The following ZNF385B variants were observed in gnomAD, a reference collection of about 807,000 sequenced individuals.
ZNF385B encodes zinc finger protein 385B.
ZNF385B carries 23 observed loss-of-function variants against 39.2 expected under a neutral mutation model. The ratio of observed to expected loss-of-function variants is 0.59; its 90% CI spans 0.42 to 0.83. ZNF385B has a LOEUF of 0.83. Ranked by LOEUF, ZNF385B falls within the 40% of genes least tolerant of loss-of-function variation. The probability of loss-of-function intolerance (pLI) is 0.00; values close to 1 mark genes in which losing one functional copy is unlikely to be tolerated. For synonymous variants in ZNF385B, 205 were observed against 222.6 expected, an observed-to-expected ratio of 0.92 and a Z score of 0.70; for missense variants, 552 against 598.9, an observed-to-expected ratio of 0.92 and a Z score of 0.82.
At chr2:179,809,274 C>T (rs1349784474) in intron 1 of ZNF385B, among the ~76,000 whole-genome samples, 3 of 152,130 alleles carry the variant, frequency 2.0e-5, no homozygotes, top group African/African-American at 4.8e-5. Context: ...ATGTAAAGAA[C>T]TTTGTCTCAT....
At chr2:179,760,068 A>C (rs1350772188) in intron 3 of ZNF385B, among the ~76,000 whole-genome samples, 1 of 119,488 alleles carries the variant, frequency 8.4e-6, no homozygotes, top group African/African-American at 3.1e-5. Context: ...TTTTTTTTTG[A>C]GACGGAGTCT....
rs910391181 is a variant in ZNF385B at position 179,840,150 on chromosome 2, A to G, written c.-155+20951T>C. ...AGGTCACATTACAGATATATTTATA[A>G]TGCATATGGAATCAAGGCATTCACA... On this transcript the variant is annotated intron_variant, in intron 1 of 9. Transcript: ENST00000410066. 4.6e-5 allele frequency among the ~76,000 whole-genome samples: 7 copies of G among 152,192 alleles called. No individual in the cohort carries two copies. The East Asian group carries it at 1.3e-3, about 29-fold the overall frequency.
chr2:179,769,403 A>G, intron 3 of ZNF385B, 100 bp downstream of exon 3: 1 of 1,516,504 alleles, frequency 6.6e-7, no homozygotes, highest in South Asian at 1.3e-5. Flanking sequence ...ATGGTAGCCC[A>G]GTTTTAAGGT....
At chr2:179,603,179 T>C (rs1688540151) in intron 3 of ZNF385B, among the ~76,000 whole-genome samples, 1 of 152,108 alleles carries the variant, frequency 6.6e-6, no homozygotes, top group African/African-American at 2.4e-5. Context: ...TGGCTCTGCG[T>C]TTTTTGATCT....
chr2:179,511,372 G>C (rs1407220487), intron 5 of ZNF385B, among the ~76,000 whole-genome samples: 1 of 152,150 alleles, frequency 6.6e-6, no homozygotes, highest in Non-Finnish European at 1.5e-5. Flanking sequence ...ACAAATATGA[G>C]TTGGTATTGT....
intron 5 of ZNF385B, among the ~76,000 whole-genome samples, chr2:179,493,519 ATG>A (rs1313755580): frequency 4.0e-5 from 6 of 150,430 alleles, no homozygotes; most frequent in East Asian, 1.9e-4. Context: ...GCGTATACAT[ATG>A]TGTGTACATA....
rs142520017 is a variant in ZNF385B at position 179,587,911 on chromosome 2, G to T, written c.299-42942C>A. On this transcript the variant is annotated intron_variant, in intron 3 of 9. Coordinates refer to ENST00000410066, the MANE Select transcript of ZNF385B (RefSeq NM_152520.6). ...TTAATCTGTGAAATAAAACAAACTT[G>T]CCCCATGCTTAGGGTCTCTCAAAAG... 7.0e-3 allele frequency among the ~76,000 whole-genome samples: 1,060 copies of T among 152,204 alleles called. 13 individuals carry two copies. Among genetic ancestry groups the T allele is most frequent in the African/African-American group, 0.022 (896 of 41,534 alleles).
Position 179,544,927 on chromosome 2 carries a change from G to A in ZNF385B, c.341C>T (p.Thr114Ile), listed in dbSNP as rs1412723701. ...HTTTLPALVR[T>I]PTLMMQPSLD... ...TGAAGGCTGCATCATCAGGGTAGGT[G>A]TGCGCACAAGAGCAGGAAGGGTAGT... The change falls in exon 4 of 10, where the codon ACA becomes ATA. Residue 114 changes from threonine to isoleucine, a missense_variant. By Grantham distance (89) the Thr-to-Ile change is moderately conservative (BLOSUM62 -1). Transcript: ENST00000410066. 6.2e-7 allele frequency: 1 copy of A among 1,614,104 alleles called. No homozygotes were observed. Among genetic ancestry groups the A allele is most frequent in the Admixed American group, 1.7e-5 (1 of 60,006 alleles).
At chr2:179,754,148 G>C (rs1158920275) in intron 3 of ZNF385B, among the ~76,000 whole-genome samples, 1 of 152,214 alleles carries the variant, frequency 6.6e-6, no homozygotes, top group Non-Finnish European at 1.5e-5. Flanking sequence ...ATGAAGGGCT[G>C]TCGAATTTTG....
chr2:179,655,978 T>C (rs955780500), intron 3 of ZNF385B, among the ~76,000 whole-genome samples: 1 of 152,178 alleles, frequency 6.6e-6, no homozygotes, highest in African/African-American at 2.4e-5. Context: ...ATTATATTAG[T>C]CTAGATATGT....
In ZNF385B at chr2:179,442,069, TAA is replaced by T. The variant is rs1286892329; in HGVS notation, c.*1179_*1180del. 1 of 152,672 alleles carries T rather than the reference TAA, an allele frequency of 6.5e-6. No homozygotes were observed. Among genetic ancestry groups the T allele is most frequent in the Non-Finnish European group, 1.5e-5 (1 of 68,030 alleles). The allele number at this position is 152,672 out of a possible 1,614,324, so 9.5% of individuals were successfully genotyped here. A position where few individuals can be genotyped will look rare whatever the true frequency, so the allele number is the denominator to read the frequency against. On this transcript the variant is annotated 3_prime_UTR_variant, in exon 10 of 10. Transcript: ENST00000410066. ...TTACAGGTTGCAGATATAGATGCTCTAAAAGAGTCCACTCTATTTTGTTGTTC... is the reference window on the plus strand; with the variant it reads ...TTACAGGTTGCAGATATAGATGCTCTAAGAGTCCACTCTATTTTGTTGTTC...
At chr2:179,570,573 A>G (rs768994364) in intron 3 of ZNF385B, among the ~76,000 whole-genome samples, 1 of 152,206 alleles carries the variant, frequency 6.6e-6, no homozygotes, top group Non-Finnish European at 1.5e-5. Context: ...TGCTTAACAC[A>G]GTGTCTGGCA....
At chr2:179,790,304 G>GAATT (rs1370171896) in intron 1 of ZNF385B, among the ~76,000 whole-genome samples, 1 of 152,102 alleles carries the variant, frequency 6.6e-6, no homozygotes, top group Non-Finnish European at 1.5e-5. Context: ...GCTCACCCCT[G>GAATT]AATTAATTCA....
At chr2:179,520,207 A>G (rs1211442054) in intron 4 of ZNF385B, among the ~76,000 whole-genome samples, 1 of 152,010 alleles carries the variant, frequency 6.6e-6, no homozygotes, top group Non-Finnish European at 1.5e-5. Flanking sequence ...TTTTCTGGAG[A>G]GATAGCCTAA....
intron 3 of ZNF385B, among the ~76,000 whole-genome samples, chr2:179,568,653 C>T (rs1214778757): frequency 1.9e-4 from 29 of 152,210 alleles, no homozygotes; most frequent in Admixed American, 1.8e-3. Context: ...GGCTGACATA[C>T]ATTTGGCAAA....
rs151303045 is a variant in ZNF385B, at chr2:179,839,804, T to A, written c.-155+21297A>T. Among the ~76,000 whole-genome samples the A allele has an allele frequency of 2.2e-3, 335 of 152,188 alleles. 2 individuals are homozygous for A. Among genetic ancestry groups the A allele is most frequent in the African/African-American group, 7.2e-3 (298 of 41,516 alleles). On this transcript the variant is annotated intron_variant, in intron 1 of 9. Coordinates refer to ENST00000410066, the MANE Select transcript of ZNF385B (RefSeq NM_152520.6). ...AGAGGAGATGGTAGTTACTCAAACC[T>A]GGAGAAGAGAAAATATGGTGGGAGA... is the stretch of plus-strand genomic sequence containing the variant.
intron 4 of ZNF385B, among the ~76,000 whole-genome samples, chr2:179,521,353 G>GTT (rs56392185): frequency 0.13 from 13,841 of 108,002 alleles, 1,294 homozygotes; most frequent in Non-Finnish European, 0.17. Flanking sequence ...CACCTGGCCA[G>GTT]TTTTTTTTTT....
intron 3 of ZNF385B, among the ~76,000 whole-genome samples, chr2:179,714,059 G>A (rs1700168767): frequency 1.3e-5 from 2 of 152,184 alleles, no homozygotes; most frequent in Admixed American, 6.5e-5. Flanking sequence ...CAAGCAAAAT[G>A]CCAAGTCAGT....
chr2:179,458,873 G>C (rs1351463946), intron 6 of ZNF385B, among the ~76,000 whole-genome samples: 1 of 152,104 alleles, frequency 6.6e-6, no homozygotes, highest in Non-Finnish European at 1.5e-5. Context: ...TCACCTCTTG[G>C]AGATTTACTC....
Sources: gnomAD v4.1 joint callset for allele counts (sites outside exome capture counted in the v4.1 genomes callset) on GRCh38, gnomAD v4.1.1 for gene constraint, MANE v1.5 for transcripts, NCBI Gene and HGNC (gene_info 2026-07-23, HGNC 2026-07-21) for gene names.